TRIM36: variants seen among roughly 807,000 people sequenced by gnomAD.
The protein encoded by TRIM36 is tripartite motif containing 36.
Under a neutral mutation model 72.4 loss-of-function variants are expected in TRIM36, and 42 were observed. That is an observed-to-expected ratio of 0.58 (90% CI 0.45 to 0.75). The LOEUF (loss-of-function observed/expected upper bound fraction) is 0.75. Among genes scored for constraint, TRIM36 ranks in the 30% least tolerant of loss-of-function variants. The pLI is 0.00. For synonymous variants in TRIM36, 315 were observed against 282.8 expected, an observed-to-expected ratio of 1.11 and a Z score of -1.14; for missense variants, 913 against 857.1, an observed-to-expected ratio of 1.07 and a Z score of -0.81.
chr5:115,127,547 C>T (rs896214849), intron 9 of TRIM36, among the ~76,000 whole-genome samples: 1 of 152,170 alleles, frequency 6.6e-6, no homozygotes. Flanking sequence ...GGCAACAGAG[C>T]GAGACCCTGT....
chr5:115,133,128 C>T (rs1561420641), intron 8 of TRIM36, among the ~76,000 whole-genome samples: 1 of 152,182 alleles, frequency 6.6e-6, no homozygotes, highest in African/African-American at 2.4e-5. Context: ...AAAGGCATCT[C>T]TGAGGCAGTG....
At chr5:115,137,240 T>C in intron 6 of TRIM36, 116 bp from the exon 7 acceptor site, 1 of 1,473,344 alleles carries the variant, frequency 6.8e-7, no homozygotes. Flanking sequence ...AAGTTAAGAA[T>C]GAGGCAAGAT....
intron 1 of TRIM36, among the ~76,000 whole-genome samples, chr5:115,163,999 T>C (rs778744695): frequency 2.6e-5 from 4 of 152,122 alleles, no homozygotes; most frequent in Non-Finnish European, 4.4e-5. Flanking sequence ...TGTAAAATAT[T>C]AGGGGACCAT....
intron 1 of TRIM36, among the ~76,000 whole-genome samples, chr5:115,179,684 G>C (rs1435469079): frequency 2.0e-5 from 3 of 152,262 alleles, no homozygotes; most frequent in Admixed American, 6.5e-5. Flanking sequence ...TCCATCTTCC[G>C]ACGCTGGGCT....
intron 1 of TRIM36, chr5:115,177,931 AAGTT>A: frequency 6.3e-7 from 1 of 1,576,408 alleles, no homozygotes; most frequent in South Asian, 1.1e-5. Flanking sequence ...TGAAGCCAGA[AAGTT>A]AGTTTGTGTT....
At chr5:115,132,577 A>T (rs1752751838) in intron 8 of TRIM36, among the ~76,000 whole-genome samples, 1 of 149,872 alleles carries the variant, frequency 6.7e-6, no homozygotes, top group Non-Finnish European at 1.5e-5. Flanking sequence ...AAAGACTGCT[A>T]GCAAACTACA....
intron 7 of TRIM36, among the ~76,000 whole-genome samples, chr5:115,135,500 A>G (rs1408852793): frequency 6.6e-6 from 1 of 150,532 alleles, no homozygotes; most frequent in East Asian, 1.9e-4. Flanking sequence ...AAATGCATGT[A>G]GCAAAAAATG....
At chr5:115,177,833 G>C (rs1210725022) in intron 1 of TRIM36, 2 of 1,614,126 alleles carry the variant, frequency 1.2e-6, no homozygotes, top group Non-Finnish European at 1.7e-6. Context: ...GAAGTCAACC[G>C]GGAATGCTCA....
At chr5:115,177,943 G>GT in intron 1 of TRIM36, 2 of 1,536,156 alleles carry the variant, frequency 1.3e-6, no homozygotes, top group South Asian at 1.1e-5. Flanking sequence ...GTTAGTTTGT[G>GT]TTTTTTCATT....
At chr5:115,179,358 C>T (rs538299348) in intron 1 of TRIM36, among the ~76,000 whole-genome samples, 15 of 152,252 alleles carry the variant, frequency 9.9e-5, no homozygotes, top group Non-Finnish European at 2.1e-4. Flanking sequence ...AATCCCGCTC[C>T]TCCAGCATCT....
chr5:115,151,428 G>A (rs1344137071), intron 2 of TRIM36, among the ~76,000 whole-genome samples: 3 of 151,878 alleles, frequency 2.0e-5, no homozygotes, highest in Non-Finnish European at 4.4e-5. Flanking sequence ...CCCCCACCCA[G>A]GGGTCTTTCC....
intron 5 of TRIM36, among the ~76,000 whole-genome samples, chr5:115,140,586 C>T (rs187093956): frequency 2.9e-4 from 44 of 152,180 alleles, no homozygotes; most frequent in African/African-American, 1.0e-3. Flanking sequence ...CACTAACCTA[C>T]CCCCCTCCTC....
At position 115,126,281 on chromosome 5, in the gene TRIM36, G is replaced by C; in HGVS notation, c.*222C>G. ...TCCAGTTGCAAAGTTAACCACTTCA[G>C]TATTAACTTGGAAAGAACATCTTCA... On this transcript the variant is annotated 3_prime_UTR_variant, in exon 10 of 10. Coordinates refer to ENST00000513154, the MANE Select transcript of TRIM36 (RefSeq NM_001300759.2). 5.9e-6 allele frequency: 3 copies of C among 511,700 alleles called. No individual in the cohort carries two copies. The highest frequency in any genetic ancestry group is 1.0e-5 in the Non-Finnish European group (3 of 289,964). 31.7% of individuals were successfully genotyped at this position (511,700 alleles called of 1,614,324 possible).
intron 1 of TRIM36, chr5:115,177,479 G>A (rs1020982907): frequency 2.3e-5 from 28 of 1,195,838 alleles, no homozygotes; most frequent in Middle Eastern, 3.4e-4. Context: ...TTACAAACCC[G>A]AACTACAAAG....
chr5:115,153,571 T>G (rs1342497821), intron 2 of TRIM36: 6 of 152,318 alleles, frequency 3.9e-5, no homozygotes, highest in Non-Finnish European at 8.8e-5. Flanking sequence ...AGTGGCATGA[T>G]CTCAGCTCAC....
Position 115,134,119 on chromosome 5 carries a change from T to G in TRIM36, c.1239A>C (p.Glu413Asp). The stretch of plus-strand genomic sequence containing the variant: ...AGGCATTGTTATAAACTTTGCTCTG[T>G]TCCTCATTGATCTCTGGCACGTCTA... ...SGIDVPEINE[E>D]QSKVYNNALI... is the part of the protein sequence containing the mutation. Residue 413 changes from glutamate (E) to aspartate (D), a missense_variant, in exon 8 of 10, where the codon GAA (glutamate) becomes GAC (aspartate). Coordinates refer to ENST00000513154, the MANE Select transcript of TRIM36 (RefSeq NM_001300759.2). 1.2e-6 allele frequency: 2 copies of G among 1,603,776 alleles called. No individual in the cohort carries two copies. Among genetic ancestry groups the G allele is most frequent in the Non-Finnish European group, 1.7e-6 (2 of 1,174,832 alleles).
intron 3 of TRIM36, among the ~76,000 whole-genome samples, chr5:115,145,402 TTGAAA>T (rs1753531814): frequency 6.6e-6 from 1 of 152,206 alleles, no homozygotes; most frequent in South Asian, 2.1e-4. Context: ...CTGTTTTCAT[TTGAAA>T]GAAAGGGGAG....
chr5:115,126,701 T>C lies in TRIM36; in HGVS notation c.1953A>G (p.Pro651=). 2 of 1,614,222 alleles carry C rather than the reference T, an allele frequency of 1.2e-6. No homozygotes were observed. Among genetic ancestry groups the C allele is most frequent in the Non-Finnish European group, 8.5e-7 (1 of 1,180,036 alleles). The part of the protein sequence containing the change: ...NEPENRVLPM[P]TSIGIFLDCD... Reference sequence around the variant, plus strand: ...AGTCAAGGAAAATCCCAATACTTGTTGGCATAGGGAGAACTCTATTTTCAG... The same window carrying C: ...AGTCAAGGAAAATCCCAATACTTGTCGGCATAGGGAGAACTCTATTTTCAG... The change falls in exon 10 of 10, where the codon CCA becomes CCG. Residue 651 remains proline (P), a synonymous_variant. Transcript: ENST00000513154.
At chr5:115,150,373 A>G (rs1224213867) in intron 2 of TRIM36, among the ~76,000 whole-genome samples, 1 of 152,250 alleles carries the variant, frequency 6.6e-6, no homozygotes, top group African/African-American at 2.4e-5. Flanking sequence ...TACCATAGCC[A>G]TATTTCAAAT....
Sources: gnomAD v4.1 joint callset for allele counts (sites outside exome capture counted in the v4.1 genomes callset) on GRCh38, gnomAD v4.1.1 for gene constraint, MANE v1.5 for transcripts, NCBI Gene and HGNC (gene_info 2026-07-23, HGNC 2026-07-21) for gene names.